The following SLIT1 variants were observed in gnomAD, a reference collection of about 807,000 sequenced individuals.
SLIT1 encodes slit guidance ligand 1, also known as slit homolog 1 protein.
Under a neutral mutation model 186.1 loss-of-function variants are expected in SLIT1, and 66 were observed. The observed-to-expected ratio is 0.35, with a 90% CI of 0.29 to 0.44. The LOEUF (loss-of-function observed/expected upper bound fraction) is 0.44. Among genes scored for constraint, SLIT1 ranks in the 20% least tolerant of loss-of-function variants. SLIT1 has a pLI of 1.00. For synonymous variants in SLIT1, 761 were observed against 833.8 expected (o/e 0.91, Z 1.50); for missense variants, 1,638 against 2,037.4 (o/e 0.80, Z 3.77).
At position 97,018,688 on chromosome 10, in the gene SLIT1, G is replaced by A. The variant is rs995274060; in HGVS notation, c.2872-5C>T. 2.0e-5 allele frequency: 31 copies of A among 1,570,382 alleles called. No individual in the cohort carries two copies. Among genetic ancestry groups the A allele is most frequent in the Non-Finnish European group, 2.4e-5 (28 of 1,156,662 alleles). ...GGACACCTCACAGTCTCGACCCTGG[G>A]GGGAAAGTCAGTGATGGGGACCCCA... On this transcript the variant is annotated splice_region_variant and splice_polypyrimidine_tract_variant and intron_variant, in intron 27 of 36. Transcript: ENST00000266058.
chr10:97,129,176 C>T (rs1460441353), intron 4 of SLIT1, among the ~76,000 whole-genome samples: 4 of 151,944 alleles, frequency 2.6e-5, no homozygotes, highest in Non-Finnish European at 5.9e-5. Flanking sequence ...CCTAGGTGGG[C>T]GGATCACGTG....
chr10:97,181,252 CAGG>C (rs1427519743), intron 1 of SLIT1, among the ~76,000 whole-genome samples: 11 of 152,362 alleles, frequency 7.2e-5, no homozygotes, highest in African/African-American at 2.6e-4. Flanking sequence ...GCCTCTGCTG[CAGG>C]AGACCATGGT....
In SLIT1 at chr10:97,071,358, C is replaced by T. The variant is rs116553148; in HGVS notation, c.414-5272G>A. Among the ~76,000 whole-genome samples the T allele has an allele frequency of 9.1e-3, 1,390 of 152,270 alleles. 21 individuals carry two copies. Among genetic ancestry groups the T allele is most frequent in the African/African-American group, 0.029 (1,225 of 41,564 alleles). On this transcript the variant is annotated intron_variant, in intron 4 of 36. Coordinates refer to ENST00000266058, the MANE Select transcript of SLIT1 (RefSeq NM_003061.3). ...AGGAAGGCGGGACCTCCAGTGGGAC[C>T]CTCATCTCAGCCCAGCCGACCACTC...
At chr10:97,164,096 G>A (rs981923254) in intron 2 of SLIT1, among the ~76,000 whole-genome samples, 7 of 152,216 alleles carry the variant, frequency 4.6e-5, no homozygotes, top group Non-Finnish European at 7.3e-5. Flanking sequence ...TCCCCTCACC[G>A]CCAACGTGCC....
chr10:97,006,921 A>G lies in SLIT1; in HGVS notation c.3342-201T>C, dbSNP rs935942682. Among the ~76,000 whole-genome samples the G allele has an allele frequency of 1.2e-4, 18 of 152,264 alleles. No homozygotes were observed. The highest frequency in any genetic ancestry group is 1.9e-4 in the Non-Finnish European group (13 of 68,042). On this transcript the variant is annotated intron_variant, in intron 31 of 36. Coordinates refer to ENST00000266058, the MANE Select transcript of SLIT1 (RefSeq NM_003061.3). The surrounding 1 kb of genome is among the most constrained non-coding windows in gnomAD (Gnocchi z 4.0). ...ATACAAGTATGGTCCCTGGTCCAGC[A>G]GCGTCAACATTACCTGGACACTTGA...
chr10:97,029,327 G>A (rs1848571739), intron 25 of SLIT1, among the ~76,000 whole-genome samples: 1 of 152,226 alleles, frequency 6.6e-6, no homozygotes, highest in South Asian at 2.1e-4. Flanking sequence ...CGAGACTGAT[G>A]AGTGAATGAA....
At chr10:97,108,392 C>T (rs184385147) in intron 4 of SLIT1, among the ~76,000 whole-genome samples, 3 of 152,334 alleles carry the variant, frequency 2.0e-5, no homozygotes, top group East Asian at 1.9e-4. Context: ...TCCCAGGAAG[C>T]GCTTGGCTCT....
rs1848706392 is a variant in SLIT1 at position 97,043,353 on chromosome 10, C to A, written c.1997+17G>T. The A allele has an allele frequency of 6.2e-7, 1 of 1,612,834 alleles. No individual in the cohort carries two copies. ...GCTCCAGAGCCCCCGCCCGCCTGTC[C>A]TGGAGGCCGGACTCACAGTGTGGAG... On this transcript the variant is annotated intron_variant, in intron 19 of 36. Coordinates refer to ENST00000266058, the MANE Select transcript of SLIT1 (RefSeq NM_003061.3). The surrounding 1 kb of genome is among the most constrained non-coding windows in gnomAD (Gnocchi z 7.0).
At chr10:97,019,724 C>A (rs949744219) in intron 26 of SLIT1, among the ~76,000 whole-genome samples, 2 of 152,096 alleles carry the variant, frequency 1.3e-5, no homozygotes, top group African/African-American at 4.8e-5. Flanking sequence ...GTAGAAGTAA[C>A]CAGAGGAGCC....
rs77781110 is a variant in SLIT1, at chr10:97,107,445, G to C, written c.414-41359C>G. ...TTCCCTGGGCCTCCCCTTCTCCCCA[G>C]AAACCTCGCATCTTAACTGCATCAC... is the stretch of plus-strand genomic sequence containing the variant. On this transcript the variant is annotated intron_variant, in intron 4 of 36. Coordinates refer to ENST00000266058, the MANE Select transcript of SLIT1 (RefSeq NM_003061.3). 7.4e-4 allele frequency among the ~76,000 whole-genome samples: 112 copies of C among 152,258 alleles called. 2 individuals carry two copies. The East Asian group carries it at 0.021, about 28-fold the overall frequency.
Position 97,042,978 on chromosome 10 carries a change from G to C in SLIT1, c.2087C>G (p.Pro696Arg), listed in dbSNP as rs778360048. The C allele has an allele frequency of 6.2e-7, 1 of 1,614,234 alleles. No individual in the cohort carries two copies. Among genetic ancestry groups the C allele is most frequent in the Non-Finnish European group, 8.5e-7 (1 of 1,180,046 alleles). Residue 696 changes from proline to arginine, a missense_variant, in exon 20 of 37, where the codon CCG becomes CGG. This residue lies in a region of SLIT1 where 1,245 missense variants were observed against 1,535.3 expected (regional missense o/e 0.81). Transcript: ENST00000266058. ...CAAAAAGTCAGGGTTCTGGCATCGCGGGTTCCCCGTCACGATCTTGCGCTT... is the reference window on the plus strand; with the variant it reads ...CAAAAAGTCAGGGTTCTGGCATCGCCGGTTCCCCGTCACGATCTTGCGCTT... ...LRKRKIVTGNPRCQNPDFLRQ... is the reference protein window; with the variant it reads ...LRKRKIVTGNRRCQNPDFLRQ...
chr10:97,129,011 G>A (rs1158216833), intron 4 of SLIT1, among the ~76,000 whole-genome samples: 3 of 152,020 alleles, frequency 2.0e-5, no homozygotes, highest in Admixed American at 6.5e-5. Flanking sequence ...AGTGAGGCTC[G>A]GACTGAATCC....
chr10:97,151,470 G>A (rs748898268), intron 4 of SLIT1, among the ~76,000 whole-genome samples: 20 of 151,792 alleles, frequency 1.3e-4, no homozygotes, highest in South Asian at 2.1e-4. Flanking sequence ...GGAGGGATGG[G>A]TCAGGAGTAG....
In SLIT1 at chr10:97,043,110, T is replaced by C. The variant is rs1054789968; in HGVS notation, c.1998-43A>G. 6 of 1,592,782 alleles carry C rather than the reference T, an allele frequency of 3.8e-6. No homozygotes were observed. The African/African-American group carries it at 8.0e-5, about 21-fold the overall frequency. On this transcript the variant is annotated intron_variant, in intron 19 of 36. Transcript: ENST00000266058. This position sits in a 1 kb window ranked among gnomAD's most constrained non-coding sequence, Gnocchi z 7.0. ...GGCGGCCATGGAGACACTCTGCCCCTCTCAGAGGTCCCAGCAAACCCCTCC... is the reference window on the plus strand; with the variant it reads ...GGCGGCCATGGAGACACTCTGCCCCCCTCAGAGGTCCCAGCAAACCCCTCC...
In SLIT1 at chr10:97,116,966, TGTGAG is replaced by T. The variant is rs1450697108; in HGVS notation, c.413+40847_413+40851del. On this transcript the variant is annotated intron_variant, in intron 4 of 36. Transcript: ENST00000266058. ...GACAACACACTCTGCTGCCCACTGT[TGTGAG>T]GTAACAGGAAAGCATATGGCTTGGA... Among the ~76,000 whole-genome samples, 3 of 152,324 alleles carry T rather than the reference TGTGAG, an allele frequency of 2.0e-5. No homozygotes were observed. The East Asian group carries it at 5.8e-4, about 29-fold the overall frequency.
At chr10:97,168,760 T>G (rs1850151267) in intron 1 of SLIT1, among the ~76,000 whole-genome samples, 1 of 152,178 alleles carries the variant, frequency 6.6e-6, no homozygotes, top group Non-Finnish European at 1.5e-5. Context: ...TCATGAAAAA[T>G]CTGATGAATT....
intron 4 of SLIT1, among the ~76,000 whole-genome samples, chr10:97,072,232 C>T (rs1564667797): frequency 6.6e-6 from 1 of 152,226 alleles, no homozygotes; most frequent in Non-Finnish European, 1.5e-5. Context: ...AATCACAGCT[C>T]ACTGCACTGT....
intron 4 of SLIT1, among the ~76,000 whole-genome samples, chr10:97,074,093 C>T (rs548919671): frequency 6.6e-6 from 1 of 152,174 alleles, no homozygotes; most frequent in Non-Finnish European, 1.5e-5. Flanking sequence ...CTTTTCGGCA[C>T]AACCCAGGCT....
chr10:97,045,438 G>A (rs1185453811), intron 18 of SLIT1, among the ~76,000 whole-genome samples: 1 of 152,214 alleles, frequency 6.6e-6, no homozygotes, highest in South Asian at 2.1e-4. Context: ...GTATGTATGT[G>A]TGTATATGTA....
Sources: gnomAD v4.1 joint callset for allele counts (sites outside exome capture counted in the v4.1 genomes callset) on GRCh38, gnomAD v4.1.1 for gene constraint, gnomAD v4.1.1 regional missense constraint, Gnocchi (gnomAD v3.1) non-coding constraint, MANE v1.5 for transcripts, NCBI Gene and HGNC (gene_info 2026-07-23, HGNC 2026-07-21) for gene names.